APPL2: variants seen among roughly 807,000 people sequenced by gnomAD.
The protein encoded by APPL2 is adaptor protein, phosphotyrosine interacting with PH domain and leucine zipper 2.
APPL2 carries 84 observed loss-of-function variants against 92.7 expected under a neutral mutation model. The observed-to-expected ratio is 0.91, with a 90% confidence interval of 0.76 to 1.09. The LOEUF (loss-of-function observed/expected upper bound fraction) is 1.09. Ranked by LOEUF, APPL2 falls within the 50% of genes least tolerant of loss-of-function variation. The probability of loss-of-function intolerance (pLI) is 0.00; values close to 1 mark genes in which losing one functional copy is unlikely to be tolerated. For missense variants in APPL2, 736 were observed against 824.5 expected (o/e 0.89, Z 1.31); for synonymous variants, 291 against 291.0 (o/e 1.00, Z 0.00).
chr12:105,226,053 C>A (rs1890476879), intron 2 of APPL2, among the ~76,000 whole-genome samples: 1 of 151,982 alleles, frequency 6.6e-6, no homozygotes, highest in East Asian at 1.9e-4. Flanking sequence ...ATTCAACATG[C>A]CTAGGTATAA....
At chr12:105,196,886 G>A (rs1043208269) in intron 11 of APPL2, among the ~76,000 whole-genome samples, 3 of 152,156 alleles carry the variant, frequency 2.0e-5, no homozygotes, top group Non-Finnish European at 4.4e-5. Flanking sequence ...GGACCATGAT[G>A]AGCATCCAGG....
chr12:105,233,035 AC>A (rs748635938), intron 1 of APPL2: 14 of 932,102 alleles, frequency 1.5e-5, no homozygotes, highest in Non-Finnish European at 1.8e-5. Context: ...CAAAACACAA[AC>A]CGAGCAAGCA....
At position 105,190,058 on chromosome 12, in the gene APPL2, C is replaced by T. The variant is rs1205335354; in HGVS notation, c.1339G>A (p.Gly447Arg). The change falls in exon 15 of 21, where the codon GGA (glycine) becomes AGA (arginine). Residue 447 changes from glycine (G) to arginine (R), a missense_variant. By Grantham distance (125) the Gly-to-Arg change is moderately radical (BLOSUM62 -2). Transcript: ENST00000258530. ...LPEAEELIAP[G>R]TPIQFDIVLP... ...ACAATATCGAATTGAATCGGCGTTC[C>T]AGGCGCGATCAGCTCCTCTGCTTCA... The T allele has an allele frequency of 1.2e-6, 2 of 1,614,198 alleles. No individual in the cohort carries two copies. The highest frequency in any genetic ancestry group is 8.5e-7 in the Non-Finnish European group (1 of 1,180,038).
At position 105,195,154 on chromosome 12, in the gene APPL2, G is replaced by T. The variant is rs879169429; in HGVS notation, c.1241+107C>A. The T allele has an allele frequency of 2.6e-4, 283 of 1,103,156 alleles. No homozygotes were observed. The South Asian group carries it at 2.9e-3, about 11-fold the overall frequency. The allele number at this position is 1,103,156 out of a possible 1,614,324, so 68.3% of individuals were successfully genotyped here. A position where few individuals can be genotyped will look rare whatever the true frequency, so the allele number is the denominator to read the frequency against. ...CATCGTTACTGCTTCTGTTAAACAGGCTGAAAAACATGCCTTGGTTTGTGT... is the reference window on the plus strand; with the variant it reads ...CATCGTTACTGCTTCTGTTAAACAGTCTGAAAAACATGCCTTGGTTTGTGT... On this transcript the variant is annotated intron_variant, in intron 14 of 20. Transcript: ENST00000258530.
intron 2 of APPL2, among the ~76,000 whole-genome samples, chr12:105,228,119 G>C (rs1012774914): frequency 6.6e-5 from 10 of 152,210 alleles, no homozygotes; most frequent in African/African-American, 2.4e-4. Context: ...AGCAGTAATA[G>C]AGTGGTGAAC....
At chr12:105,182,987 A>G (rs1886250835) in intron 17 of APPL2, among the ~76,000 whole-genome samples, 1 of 149,388 alleles carries the variant, frequency 6.7e-6, no homozygotes, top group Admixed American at 6.7e-5. Flanking sequence ...TGTTGCATTG[A>G]TCCCTTTACC....
chr12:105,227,200 C>G (rs1056038564), intron 2 of APPL2, among the ~76,000 whole-genome samples: 2 of 151,904 alleles, frequency 1.3e-5, no homozygotes, highest in Non-Finnish European at 2.9e-5. Flanking sequence ...CAGGTCCTCA[C>G]TATATTGACT....
At chr12:105,199,580 C>A in intron 9 of APPL2, 49 bp from the exon 10 acceptor site, 1 of 1,580,570 alleles carries the variant, frequency 6.3e-7, no homozygotes, top group Non-Finnish European at 8.6e-7. Flanking sequence ...GCCAACCCAG[C>A]ACTACTAAGA....
intron 10 of APPL2, among the ~76,000 whole-genome samples, chr12:105,198,348 C>A (rs1417066237): frequency 6.6e-6 from 1 of 152,200 alleles, no homozygotes; most frequent in Non-Finnish European, 1.5e-5. Context: ...ACAGCACCCA[C>A]CCCATAGTCC....
chr12:105,218,254 G>A (rs1889846173), intron 2 of APPL2, among the ~76,000 whole-genome samples: 1 of 152,150 alleles, frequency 6.6e-6, no homozygotes, highest in Non-Finnish European at 1.5e-5. Context: ...CAAATCAAAA[G>A]GTTAAAGCTT....
In APPL2 at chr12:105,177,247, CTG is replaced by C. The variant is rs756838524; in HGVS notation, c.1648_1649del (p.Gln550AspfsTer9). On this transcript the variant is annotated frameshift_variant, in exon 18 of 21. Transcript: ENST00000258530. LOFTEE classifies it high-confidence loss of function. ...TSQSLRLIDP[Q>X]TQVSRANFEL... ...TTACATTGGCCCTTGATACTTGAGT[CTG>C]TGGATCTATCAACCTGAAATTTTAA... is the stretch of plus-strand genomic sequence containing the variant. 1 of 1,613,886 alleles carries C rather than the reference CTG, an allele frequency of 6.2e-7. No homozygotes were observed. The highest frequency in any genetic ancestry group is 1.1e-5 in the South Asian group (1 of 91,074).
intron 7 of APPL2, among the ~76,000 whole-genome samples, chr12:105,207,722 G>C (rs1013010957): frequency 2.0e-5 from 3 of 152,328 alleles, no homozygotes; most frequent in African/African-American, 4.8e-5. Context: ...GCAGCAAGCT[G>C]AAGTTAAAAC....
rs1382654342 is a variant in APPL2, at chr12:105,192,849, TA to T, written c.1241+2411del. Among the ~76,000 whole-genome samples the T allele has an allele frequency of 2.0e-5, 3 of 152,210 alleles. No individual in the cohort carries two copies. In the East Asian group the frequency reaches 5.8e-4, roughly 29 times the overall value. On this transcript the variant is annotated intron_variant, in intron 14 of 20. Coordinates refer to ENST00000258530, the MANE Select transcript of APPL2 (RefSeq NM_018171.5). ...CTCAAATATTTGTTGAGTAGCTAGA[TA>T]AATGAATGAACAGCAGATATATAGT...
At chr12:105,186,673 T>TCATA (rs1566056424) in intron 17 of APPL2, among the ~76,000 whole-genome samples, 19 of 70,640 alleles carry the variant, frequency 2.7e-4, no homozygotes, top group African/African-American at 7.0e-4. Flanking sequence ...ATCATATATA[T>TCATA]GATATATCAT....
In APPL2 at chr12:105,203,713, T is replaced by C. The variant is rs373794263; in HGVS notation, c.694A>G (p.Met232Val). ...MDSFLSSVADMVQSIQVELEA... is the reference protein window; with the variant it reads ...MDSFLSSVADVVQSIQVELEA... ...GGAGTGCAGCATTACCTTTGAACCA[T>C]GTCTGCAACGGAGGATAAAAAGCTG... The change falls in exon 9 of 21, where the codon ATG becomes GTG. Residue 232 changes from methionine (M) to valine (V), a missense_variant. Coordinates refer to ENST00000258530, the MANE Select transcript of APPL2 (RefSeq NM_018171.5). 8 of 1,614,046 alleles carry C rather than the reference T, an allele frequency of 5.0e-6. No homozygotes were observed. The highest frequency in any genetic ancestry group is 2.7e-5 in the African/African-American group (2 of 74,928).
chr12:105,196,148 C>T (rs914839972), intron 11 of APPL2, among the ~76,000 whole-genome samples: 42 of 152,022 alleles, frequency 2.8e-4, no homozygotes, highest in Non-Finnish European at 5.0e-4. Context: ...CAAACATGGC[C>T]GTTTCCCTGG....
intron 14 of APPL2, among the ~76,000 whole-genome samples, chr12:105,194,853 G>A (rs1178628420): frequency 6.6e-6 from 1 of 151,450 alleles, no homozygotes; most frequent in Non-Finnish European, 1.5e-5. Flanking sequence ...GTTCAGATAA[G>A]GCGTGGACAT....
At chr12:105,203,819 T>C (rs749036517) in intron 8 of APPL2, 34 bp from the exon 9 acceptor site, 2 of 1,578,288 alleles carry the variant, frequency 1.3e-6, no homozygotes, top group Non-Finnish European at 1.7e-6. Context: ...CTGAAAATCA[T>C]CCAGGGAAGT....
chr12:105,186,627 C>CATATATATGATATCGAT (rs369194401), intron 17 of APPL2, among the ~76,000 whole-genome samples: 3 of 100,292 alleles, frequency 3.0e-5, no homozygotes, highest in African/African-American at 1.5e-4. Flanking sequence ...ATATATATAT[C>CATATATATGATATCGAT]ATATATATCA....
Sources: gnomAD v4.1 joint callset for allele counts (sites outside exome capture counted in the v4.1 genomes callset) on GRCh38, gnomAD v4.1.1 for gene constraint, MANE v1.5 for transcripts, NCBI Gene and HGNC (gene_info 2026-07-23, HGNC 2026-07-21) for gene names.